GRB2: variants seen among roughly 807,000 people sequenced by gnomAD.
The protein encoded by GRB2 is growth factor receptor-bound protein 2.
In GRB2, 2 loss-of-function variants were observed where a neutral mutation model predicts 27.4. The observed-to-expected ratio is 0.07, with a 90% CI of 0.03 to 0.23. The LOEUF is 0.23. Ranked by LOEUF, GRB2 falls within the 10% of genes least tolerant of loss-of-function variation. GRB2 has a pLI of 1.00. For missense variants in GRB2, 102 were observed against 282.4 expected (o/e 0.36, Z 4.58); for synonymous variants, 94 against 99.6 (o/e 0.94, Z 0.33).
chr17:75,390,537 C>T (rs899222480), intron 2 of GRB2, among the ~76,000 whole-genome samples: 12 of 152,150 alleles, frequency 7.9e-5, no homozygotes, highest in African/African-American at 2.4e-4. Flanking sequence ...TCCTCTCCCT[C>T]CCCGAGCCAA....
intron 4 of GRB2, among the ~76,000 whole-genome samples, chr17:75,323,928 G>A (rs2078478066): frequency 6.6e-6 from 1 of 151,818 alleles, no homozygotes; most frequent in African/African-American, 2.4e-5. Flanking sequence ...TCCTGCTTCA[G>A]CCTCCGGAGT....
intron 2 of GRB2, among the ~76,000 whole-genome samples, chr17:75,352,800 A>C (rs1231092083): frequency 1.3e-5 from 2 of 152,122 alleles, no homozygotes; most frequent in African/African-American, 4.8e-5. Flanking sequence ...CTAGCACCAA[A>C]ATTTCCAGTT....
intron 1 of GRB2, among the ~76,000 whole-genome samples, chr17:75,399,028 G>GT (rs1567878269): frequency 6.6e-6 from 1 of 151,928 alleles, no homozygotes. Flanking sequence ...GATTACAGGC[G>GT]TGAGCCACTG....
intron 2 of GRB2, among the ~76,000 whole-genome samples, chr17:75,344,620 G>A (rs1447384367): frequency 6.6e-6 from 1 of 151,988 alleles, no homozygotes; most frequent in Non-Finnish European, 1.5e-5. Context: ...TTGAACTCCT[G>A]AGTTCAAGTG....
At chr17:75,346,378 C>T (rs2078655152) in intron 2 of GRB2, among the ~76,000 whole-genome samples, 1 of 151,682 alleles carries the variant, frequency 6.6e-6, no homozygotes, top group African/African-American at 2.4e-5. Context: ...CGCCTGTAGT[C>T]CCAGCTACTC....
At position 75,320,676 on chromosome 17, in the gene GRB2, A is replaced by T. The variant is rs996065473; in HGVS notation, c.469-123T>A. ...CAAATTCTCCATGTTTCTTAAACTCACCTCCCATCTCCCAACCCCCCGTTT... is the reference window on the plus strand; with the variant it reads ...CAAATTCTCCATGTTTCTTAAACTCTCCTCCCATCTCCCAACCCCCCGTTT... On this transcript the variant is annotated intron_variant, in intron 5 of 5. Transcript: ENST00000316804. The surrounding 1 kb of genome is among the most constrained non-coding windows in gnomAD (Gnocchi z 4.3). The T allele has an allele frequency of 7.4e-6, 5 of 673,780 alleles. 1 individual carries two copies. The highest frequency in any genetic ancestry group is 1.3e-5 in the Non-Finnish European group (5 of 384,790). 41.7% of individuals were successfully genotyped at this position (673,780 alleles called of 1,614,324 possible). A position where few individuals can be genotyped will look rare whatever the true frequency, so the allele number is the denominator to read the frequency against.
At chr17:75,350,102 T>C (rs1486626662) in intron 2 of GRB2, among the ~76,000 whole-genome samples, 2 of 151,644 alleles carry the variant, frequency 1.3e-5, no homozygotes, top group African/African-American at 2.4e-5. Context: ...CAGTGGCATA[T>C]GCCTGCAGTC....
chr17:75,320,294 G>A lies in GRB2; in HGVS notation c.*74C>T. 1 of 1,295,740 alleles carries A rather than the reference G, an allele frequency of 7.7e-7. No homozygotes were observed. The highest frequency in any genetic ancestry group is 1.1e-6 in the Non-Finnish European group (1 of 897,654). 80.3% of individuals were successfully genotyped at this position (1,295,740 alleles called of 1,614,324 possible). ...CACTCCCTCACAGGCTGCTGTCAGA[G>A]GCAGCTTGTGGGTTTAATTCTTTTG... On this transcript the variant is annotated 3_prime_UTR_variant, in exon 6 of 6. Coordinates refer to ENST00000316804, the MANE Select transcript of GRB2 (RefSeq NM_002086.5). The surrounding 1 kb of genome is among the most constrained non-coding windows in gnomAD (Gnocchi z 4.3).
chr17:75,383,124 T>C (rs1017455026), intron 2 of GRB2, among the ~76,000 whole-genome samples: 1 of 151,484 alleles, frequency 6.6e-6, no homozygotes, highest in Non-Finnish European at 1.5e-5. Flanking sequence ...GATACTGAAA[T>C]CGACCTTAAT....
At chr17:75,368,215 GT>G (rs35158011) in intron 2 of GRB2, among the ~76,000 whole-genome samples, 39 of 131,624 alleles carry the variant, frequency 3.0e-4, no homozygotes, top group Middle Eastern at 4.0e-3. Context: ...GTGCTCAGCT[GT>G]TTTTTTTTTT....
At chr17:75,370,579 G>A (rs905806250) in intron 2 of GRB2, among the ~76,000 whole-genome samples, 1 of 152,152 alleles carries the variant, frequency 6.6e-6, no homozygotes, top group African/African-American at 2.4e-5. Context: ...TAAGCCAAGT[G>A]TTCTGGCAAA....
intron 3 of GRB2, among the ~76,000 whole-genome samples, chr17:75,328,940 A>AAATAAAT (rs1567857331): frequency 6.8e-6 from 1 of 147,020 alleles, no homozygotes; most frequent in African/African-American, 2.5e-5. Flanking sequence ...TCGCTTTCAA[A>AAATAAAT]AAATAAATAA....
intron 1 of GRB2, 93 bp downstream of exon 1, chr17:75,405,396 G>A (rs895287840): frequency 6.6e-6 from 1 of 152,308 alleles, no homozygotes; most frequent in African/African-American, 2.4e-5. Context: ...GCGAACCCCG[G>A]GGCCGGTCCC....
chr17:75,401,504 T>C (rs1206356990), intron 1 of GRB2, among the ~76,000 whole-genome samples: 6 of 149,338 alleles, frequency 4.0e-5, no homozygotes, highest in Non-Finnish European at 1.5e-5. Context: ...GCTAGCGAGA[T>C]CACAGAACAC....
At chr17:75,375,651 G>A (rs2078887603) in intron 2 of GRB2, among the ~76,000 whole-genome samples, 1 of 152,136 alleles carries the variant, frequency 6.6e-6, no homozygotes. Context: ...GGAGGCCGAG[G>A]CAGGCAGATT....
At chr17:75,364,041 A>C (rs774646598) in intron 2 of GRB2, among the ~76,000 whole-genome samples, 10 of 152,124 alleles carry the variant, frequency 6.6e-5, no homozygotes, top group Non-Finnish European at 2.9e-5. Flanking sequence ...AAACCAGCAT[A>C]TCTAACAGCC....
chr17:75,342,856 C>T (rs759285929), intron 2 of GRB2, among the ~76,000 whole-genome samples: 1 of 151,796 alleles, frequency 6.6e-6, no homozygotes, highest in Non-Finnish European at 1.5e-5. Flanking sequence ...TGAGTCCAGC[C>T]TAGAGGGTAC....
rs1224394398 is a variant in GRB2, at chr17:75,337,871, TTACTAC to T, written c.79-5080_79-5075del. 6.6e-3 allele frequency among the ~76,000 whole-genome samples: 781 copies of T among 117,614 alleles called. 19 individuals are homozygous for T. The highest frequency in any genetic ancestry group is 0.041 in the East Asian group (168 of 4,052). 77.2% of individuals were successfully genotyped at this position (117,614 alleles called of 152,430 possible). Reference sequence around the variant, plus strand: ...GTGAGCCACTGCGCCCGGCCTACTATTACTACTACTACTACTACTACTACTACTACT... The same window carrying T: ...GTGAGCCACTGCGCCCGGCCTACTATTACTACTACTACTACTACTACTACT... On this transcript the variant is annotated intron_variant, in intron 2 of 5. Coordinates refer to ENST00000316804, the MANE Select transcript of GRB2 (RefSeq NM_002086.5).
chr17:75,400,672 G>T (rs1051256578), intron 1 of GRB2, among the ~76,000 whole-genome samples: 11 of 151,506 alleles, frequency 7.3e-5, no homozygotes, highest in African/African-American at 2.2e-4. Context: ...GTTTGTGTGT[G>T]TTTTTAATGT....
Sources: gnomAD v4.1 joint callset for allele counts (sites outside exome capture counted in the v4.1 genomes callset) on GRCh38, gnomAD v4.1.1 for gene constraint, Gnocchi (gnomAD v3.1) non-coding constraint, MANE v1.5 for transcripts, NCBI Gene and HGNC (gene_info 2026-07-23, HGNC 2026-07-21) for gene names.